The following RNF216 variants were observed in gnomAD, a reference collection of about 807,000 sequenced individuals.
RNF216 encodes the protein ring finger protein 216.
A neutral mutation model predicts 110.8 loss-of-function variants in RNF216; 72 were observed. That is an observed-to-expected ratio of 0.65 (90% CI 0.54 to 0.79). The LOEUF (loss-of-function observed/expected upper bound fraction) is 0.79. Ranked by LOEUF, RNF216 falls within the 30% of genes least tolerant of loss-of-function variation. The pLI, the probability that RNF216 is intolerant of heterozygous loss-of-function variation, is 0.00. For missense variants in RNF216, 1,342 were observed against 1,141.2 expected (o/e 1.18, Z -2.54); for synonymous variants, 495 against 407.5 (o/e 1.21, Z -2.59).
chr7:5,712,383 G>A (rs2128629952), intron 12 of RNF216, among the ~76,000 whole-genome samples: 1 of 151,948 alleles, frequency 6.6e-6, no homozygotes, highest in East Asian at 1.9e-4. Context: ...TGAGGCATGA[G>A]AATTGCTTGA....
At chr7:5,641,435 G>T in intron 14 of RNF216, 59 bp from the exon 15 acceptor site, 1 of 1,316,508 alleles carries the variant, frequency 7.6e-7, no homozygotes, top group Non-Finnish European at 1.1e-6. Flanking sequence ...AAAAAATATG[G>T]CCATTAAGCA....
At chr7:5,652,660 C>T (rs1788469568) in intron 13 of RNF216, 150 bp from the exon 14 acceptor site, 1 of 606,072 alleles carries the variant, frequency 1.6e-6, no homozygotes, top group African/African-American at 1.9e-5. Flanking sequence ...TTTCTAAAGA[C>T]ATCTTTTAAT....
intron 1 of RNF216, among the ~76,000 whole-genome samples, chr7:5,776,916 A>AAAGAG (rs1554268180): frequency 8.4e-4 from 124 of 147,514 alleles, no homozygotes; most frequent in African/African-American, 2.9e-3. Flanking sequence ...AAAAAAAAAA[A>AAAGAG]AGAGAGAGAG....
intron 14 of RNF216, among the ~76,000 whole-genome samples, chr7:5,645,533 T>C (rs1401473524): frequency 1.3e-5 from 2 of 152,190 alleles, no homozygotes; most frequent in Non-Finnish European, 2.9e-5. Context: ...ATTCTTCTAG[T>C]GTATTTTTCA....
intron 14 of RNF216, among the ~76,000 whole-genome samples, chr7:5,652,076 C>T (rs987899211): frequency 1.5e-4 from 23 of 152,194 alleles, no homozygotes; most frequent in African/African-American, 5.1e-4. Context: ...CTCAGGCCAA[C>T]AGTTTCCTAT....
At chr7:5,762,023 T>G (rs1329399128) in intron 1 of RNF216, among the ~76,000 whole-genome samples, 2 of 152,102 alleles carry the variant, frequency 1.3e-5, no homozygotes, top group African/African-American at 4.8e-5. Flanking sequence ...GAAATACGCA[T>G]AATAGAATAT....
intron 14 of RNF216, among the ~76,000 whole-genome samples, chr7:5,644,401 T>C (rs974642280): frequency 3.3e-5 from 5 of 152,214 alleles, no homozygotes; most frequent in African/African-American, 7.2e-5. Context: ...TATCTTATTA[T>C]AGTTCTGATT....
intron 1 of RNF216, among the ~76,000 whole-genome samples, chr7:5,779,155 T>C (rs1796937507): frequency 6.6e-6 from 1 of 152,230 alleles, no homozygotes; most frequent in Non-Finnish European, 1.5e-5. Flanking sequence ...TGTAAACACA[T>C]TAAATAGTAG....
intron 13 of RNF216, among the ~76,000 whole-genome samples, chr7:5,667,859 G>C (rs543407301): frequency 2.8e-4 from 42 of 152,320 alleles, no homozygotes; most frequent in African/African-American, 9.6e-4. Flanking sequence ...AAAGTCACTG[G>C]ATCAGATTGG....
At chr7:5,729,202 A>C (rs999691708) in intron 7 of RNF216, among the ~76,000 whole-genome samples, 1 of 151,958 alleles carries the variant, frequency 6.6e-6, no homozygotes, top group Non-Finnish European at 1.5e-5. Flanking sequence ...AAGGTATTAC[A>C]CTCCATGTTT....
intron 4 of RNF216, among the ~76,000 whole-genome samples, chr7:5,740,276 G>A (rs745831843): frequency 6.6e-5 from 10 of 151,668 alleles, no homozygotes; most frequent in Non-Finnish European, 1.2e-4. Flanking sequence ...ACAGGCGCCC[G>A]CCACCACGCC....
chr7:5,666,113 T>C (rs1158850825), intron 13 of RNF216, among the ~76,000 whole-genome samples: 1 of 136,640 alleles, frequency 7.3e-6, no homozygotes, highest in African/African-American at 2.8e-5. Flanking sequence ...TTGCAGTGAG[T>C]GGAGATCACG....
chr7:5,759,772 C>T (rs1208073446), intron 2 of RNF216, among the ~76,000 whole-genome samples: 2 of 151,858 alleles, frequency 1.3e-5, no homozygotes, highest in Admixed American at 6.6e-5. Context: ...GCTGGGACTA[C>T]AGGCATGCAC....
intron 13 of RNF216, among the ~76,000 whole-genome samples, chr7:5,663,066 TG>T (rs1466791036): frequency 6.6e-6 from 1 of 152,170 alleles, no homozygotes; most frequent in Admixed American, 6.5e-5. Flanking sequence ...CAAATACCAG[TG>T]GCTTGGGAAA....
rs1786434447 is a variant in RNF216, at chr7:5,622,542, G to A, written c.*318C>T. 1 of 300,844 alleles carries A rather than the reference G, an allele frequency of 3.3e-6. No individual in the cohort carries two copies. Among genetic ancestry groups the A allele is most frequent in the Non-Finnish European group, 6.2e-6 (1 of 162,482 alleles). The allele number at this position is 300,844 out of a possible 1,614,324, so 18.6% of individuals were successfully genotyped here. On this transcript the variant is annotated 3_prime_UTR_variant, in exon 17 of 17. Transcript: ENST00000389902. Reference sequence around the variant, plus strand: ...CGGCTCCGAGGAGAGGCCCAGGTGTGAGCAGCAGGGACCTGGTCTATGGCC... The same window carrying A: ...CGGCTCCGAGGAGAGGCCCAGGTGTAAGCAGCAGGGACCTGGTCTATGGCC...
In RNF216 at chr7:5,714,386, G is replaced by A. The variant is rs141808393; in HGVS notation, c.1833+667C>T. Among the ~76,000 whole-genome samples the A allele has an allele frequency of 3.0e-3, 453 of 152,220 alleles. 9 individuals carry two copies. The East Asian group carries it at 0.053, about 18-fold the overall frequency. On this transcript the variant is annotated intron_variant, in intron 11 of 16. Transcript: ENST00000389902. ...CAATTCTCCTGCCTCAGCCTCCCCA[G>A]TAGCTGAGATTATAGGCATGCGCCA... is the stretch of plus-strand genomic sequence containing the variant.
At chr7:5,647,328 C>CTTTTTTTTTTTTTTTTTTTTTTTTTT (rs10617479) in intron 14 of RNF216, among the ~76,000 whole-genome samples, 1 of 94,812 alleles carries the variant, frequency 1.1e-5, no homozygotes. Flanking sequence ...TTCTTTCTTT[C>CTTTTTTTTTTTTTTTTTTTTTTTTTT]TTTTTTTTTT....
At chr7:5,776,511 C>T (rs533264679) in intron 1 of RNF216, among the ~76,000 whole-genome samples, 1 of 145,576 alleles carries the variant, frequency 6.9e-6, no homozygotes, top group East Asian at 2.1e-4. Flanking sequence ...AGGAGAATGG[C>T]GAGAACCCGG....
rs528067393 is a variant in RNF216, at chr7:5,660,067, G to A, written c.2062-7557C>T. 4.0e-5 allele frequency among the ~76,000 whole-genome samples: 6 copies of A among 149,046 alleles called. No individual in the cohort carries two copies. The South Asian group carries it at 6.4e-4, about 16-fold the overall frequency. On this transcript the variant is annotated intron_variant, in intron 13 of 16. Transcript: ENST00000389902. ...CCTCCTGGGTGCAAGCAATTCTCCC[G>A]CCTCTATCTTCCGAGTAGCTCGGAC...
Sources: gnomAD v4.1 joint callset for allele counts (sites outside exome capture counted in the v4.1 genomes callset) on GRCh38, gnomAD v4.1.1 for gene constraint, MANE v1.5 for transcripts, NCBI Gene and HGNC (gene_info 2026-07-23, HGNC 2026-07-21) for gene names.